The following ESYT2 variants were observed in gnomAD, a reference collection of about 807,000 sequenced individuals.
ESYT2 encodes extended synaptotagmin-2.
A neutral mutation model predicts 107.2 loss-of-function variants in ESYT2; 54 were observed. That is an observed-to-expected ratio of 0.50 (90% confidence interval 0.40 to 0.63). The LOEUF is 0.63. Among genes scored for constraint, ESYT2 ranks in the 30% least tolerant of loss-of-function variants. The probability of loss-of-function intolerance (pLI) is 0.00; values close to 1 mark genes in which losing one functional copy is unlikely to be tolerated. For missense variants in ESYT2, 1,020 were observed against 1,094.5 expected, an observed-to-expected ratio of 0.93 and a Z score of 0.96; for synonymous variants, 491 against 434.1, an observed-to-expected ratio of 1.13 and a Z score of -1.63.
intron 7 of ESYT2, among the ~76,000 whole-genome samples, chr7:158,770,588 C>T (rs191909814): frequency 1.6e-3 from 246 of 151,958 alleles, no homozygotes; most frequent in Non-Finnish European, 2.9e-3. Flanking sequence ...GATCTTTGCT[C>T]AGTGCAAGCT....
At chr7:158,827,682 G>A (rs893951460) in intron 1 of ESYT2, 2 of 152,088 alleles carry the variant, frequency 1.3e-5, no homozygotes, top group African/African-American at 4.8e-5. Flanking sequence ...TCTTGTCTTG[G>A]GCACGCCTCC....
Position 158,798,085 on chromosome 7 carries a change from G to C in ESYT2, c.373-9C>G, listed in dbSNP as rs867601035. 3 of 1,613,120 alleles carry C rather than the reference G, an allele frequency of 1.9e-6. No homozygotes were observed. The highest frequency in any genetic ancestry group is 1.7e-5 in the Admixed American group (1 of 59,700). On this transcript the variant is annotated splice_polypyrimidine_tract_variant and intron_variant, in intron 2 of 22. Coordinates refer to ENST00000275418, the MANE Select transcript of ESYT2 (RefSeq NM_001367773.1). The stretch of plus-strand genomic sequence containing the variant: ...CACATGTGTTTTACAGTCTGGAAAG[G>C]AAAAAGAACTCAGTTTAAACAAAAT...
chr7:158,781,637 T>C (rs1420577057), intron 6 of ESYT2, among the ~76,000 whole-genome samples: 1 of 141,008 alleles, frequency 7.1e-6, no homozygotes, highest in Non-Finnish European at 1.5e-5. Flanking sequence ...GAGAACAAAG[T>C]GAGGTGTGTG....
At chr7:158,788,710 G>A (rs1196523242) in intron 4 of ESYT2, among the ~76,000 whole-genome samples, 1 of 152,202 alleles carries the variant, frequency 6.6e-6, no homozygotes, top group East Asian at 1.9e-4. Flanking sequence ...AAATATAAAT[G>A]TCCATGTTCA....
intron 1 of ESYT2, among the ~76,000 whole-genome samples, chr7:158,815,895 T>TA (rs1333980378): frequency 6.6e-6 from 1 of 152,236 alleles, no homozygotes; most frequent in Non-Finnish European, 1.5e-5. Flanking sequence ...TCTGAGATGT[T>TA]ACGGCACGGG....
chr7:158,771,537 G>T (rs891897796), intron 7 of ESYT2, among the ~76,000 whole-genome samples: 12 of 152,216 alleles, frequency 7.9e-5, no homozygotes, highest in African/African-American at 2.9e-4. Flanking sequence ...AGCGGGAAAG[G>T]CGACTAAGTC....
At position 158,762,445 on chromosome 7, in the gene ESYT2, T is replaced by C. The variant is rs1587404751; in HGVS notation, c.1184+638A>G. The stretch of plus-strand genomic sequence containing the variant: ...AGGCCACAACGTGCAAGGGCCATTC[T>C]TGATGAGGTATGAACCTCTCCAATG... On this transcript the variant is annotated intron_variant, in intron 10 of 22. Transcript: ENST00000275418. Among the ~76,000 whole-genome samples the C allele has an allele frequency of 2.6e-5, 4 of 152,368 alleles. 1 individual carries two copies. The highest frequency in any genetic ancestry group is 2.0e-4 in the Admixed American group (3 of 15,302).
intron 1 of ESYT2, among the ~76,000 whole-genome samples, chr7:158,810,891 T>C (rs549144078): frequency 3.3e-5 from 5 of 152,084 alleles, no homozygotes; most frequent in Admixed American, 6.5e-5. Flanking sequence ...TACTAAGAGA[T>C]TTCGGTGATG....
In ESYT2 at chr7:158,778,063, A is replaced by G. The variant is rs141086843; in HGVS notation, c.748-4667T>C. 2.5e-3 allele frequency among the ~76,000 whole-genome samples: 383 copies of G among 152,328 alleles called. 14 individuals are homozygous for G. The highest frequency in any genetic ancestry group is 0.024 in the Admixed American group (365 of 15,296). ...GTGCCTATGAACACTTTCATCTTAA[A>G]TGTCGCATTCATATTTTATACGTCA... is the stretch of plus-strand genomic sequence containing the variant. On this transcript the variant is annotated intron_variant, in intron 6 of 22. Coordinates refer to ENST00000275418, the MANE Select transcript of ESYT2 (RefSeq NM_001367773.1).
At chr7:158,740,240 A>G (rs1837143066) in intron 18 of ESYT2, among the ~76,000 whole-genome samples, 1 of 152,172 alleles carries the variant, frequency 6.6e-6, no homozygotes, top group African/African-American at 2.4e-5. Context: ...CCTGCTGAGG[A>G]CGCGTGCTCC....
At chr7:158,803,286 T>C (rs1005372817) in intron 1 of ESYT2, among the ~76,000 whole-genome samples, 42 of 152,250 alleles carry the variant, frequency 2.8e-4, no homozygotes, top group African/African-American at 8.7e-4. Context: ...TCTAAGCGGG[T>C]AGCTTTGTTT....
chr7:158,738,326 A>G (rs985790776), intron 19 of ESYT2, among the ~76,000 whole-genome samples: 2 of 93,572 alleles, frequency 2.1e-5, no homozygotes, highest in Non-Finnish European at 4.1e-5. Flanking sequence ...AAAAAAAAAA[A>G]ATACACACAC....
rs191220125 is a variant in ESYT2, at chr7:158,772,723, T to C, written c.803+618A>G. 1.9e-3 allele frequency among the ~76,000 whole-genome samples: 292 copies of C among 152,236 alleles called. 3 individuals are homozygous for C. The highest frequency in any genetic ancestry group is 6.5e-3 in the African/African-American group (271 of 41,546). ...CCTCCAGGGCCTCAGATGCTTGTTA[T>C]GGAACATTTTTCTCCTGTTTTAGAC... On this transcript the variant is annotated intron_variant, in intron 7 of 22. Coordinates refer to ENST00000275418, the MANE Select transcript of ESYT2 (RefSeq NM_001367773.1).
chr7:158,823,068 G>A (rs1023313313), intron 1 of ESYT2, among the ~76,000 whole-genome samples: 3 of 151,794 alleles, frequency 2.0e-5, no homozygotes, highest in South Asian at 4.2e-4. Context: ...TGAGGCAGGC[G>A]GATTGCCTGA....
At chr7:158,758,193 C>T (rs1027165605) in intron 13 of ESYT2, among the ~76,000 whole-genome samples, 2 of 152,178 alleles carry the variant, frequency 1.3e-5, no homozygotes, top group African/African-American at 4.8e-5. Flanking sequence ...ACAAAGAGTA[C>T]AATCACATCC....
chr7:158,801,925 T>C (rs550289560), intron 1 of ESYT2, among the ~76,000 whole-genome samples: 1 of 152,200 alleles, frequency 6.6e-6, no homozygotes, highest in Non-Finnish European at 1.5e-5. Context: ...CTACATACAA[T>C]ATTTTGTTTA....
chr7:158,791,878 T>C (rs1839303622), intron 4 of ESYT2, among the ~76,000 whole-genome samples: 1 of 152,222 alleles, frequency 6.6e-6, no homozygotes. Flanking sequence ...TTGCTTTAGG[T>C]AGTAGTAACA....
intron 1 of ESYT2, among the ~76,000 whole-genome samples, chr7:158,812,383 G>A (rs989313459): frequency 6.6e-6 from 1 of 152,314 alleles, no homozygotes; most frequent in East Asian, 1.9e-4. Flanking sequence ...AGTCATCGGG[G>A]AGATGTAAGT....
Position 158,764,747 on chromosome 7 carries a change from A to G in ESYT2, c.1031T>C (p.Val344Ala), listed in dbSNP as rs773164853. 1 of 1,614,000 alleles carries G rather than the reference A, an allele frequency of 6.2e-7. No homozygotes were observed. The highest frequency in any genetic ancestry group is 1.3e-5 in the African/African-American group (1 of 74,968). Residue 344 changes from valine (V) to alanine (A), a missense_variant, in exon 9 of 23, where the codon GTT (valine) becomes GCT (alanine). Transcript: ENST00000275418. ...GKSDPYGIIR[V>A]GNQIFQSRVI... ...TCTGCTTTGGAAGATTTGGTTGCCA[A>G]CTCTAATGATTCCATAGGGGTCTGA... is the stretch of plus-strand genomic sequence containing the variant.
Sources: gnomAD v4.1 joint callset for allele counts (sites outside exome capture counted in the v4.1 genomes callset) on GRCh38, gnomAD v4.1.1 for gene constraint, MANE v1.5 for transcripts, NCBI Gene and HGNC (gene_info 2026-07-23, HGNC 2026-07-21) for gene names.